Variants in MVB12A observed in about 807,000 individuals in gnomAD.
MVB12A encodes the protein multivesicular body subunit 12A.
MVB12A carries 30 observed loss-of-function variants against 34.3 expected under a neutral mutation model. The ratio of observed to expected loss-of-function variants is 0.88; its 90% CI spans 0.65 to 1.19. The LOEUF is 1.19. Among genes scored for constraint, MVB12A ranks in the 50% most tolerant of loss-of-function variants. The probability of loss-of-function intolerance (pLI) is 0.00; values close to 1 mark genes in which losing one functional copy is unlikely to be tolerated. For synonymous variants in MVB12A, 158 were observed against 158.9 expected, an observed-to-expected ratio of 0.99 and a Z score of 0.04; for missense variants, 355 against 369.2, an observed-to-expected ratio of 0.96 and a Z score of 0.31.
intron 2 of MVB12A, among the ~76,000 whole-genome samples, chr19:17,412,586 C>CGG (rs1489812518): frequency 6.6e-6 from 1 of 152,058 alleles, no homozygotes; most frequent in Non-Finnish European, 1.5e-5. Flanking sequence ...TTTCTTATAG[C>CGG]GGGGGTGTGA....
At chr19:17,405,807 G>A in intron 1 of MVB12A, 2 of 471,158 alleles carry the variant, frequency 4.2e-6, no homozygotes, top group Non-Finnish European at 3.8e-6. Flanking sequence ...AAAAGCCCTT[G>A]GGCCCTTCCC....
chr19:17,423,899 C>T, intron 6 of MVB12A, 100 bp downstream of exon 6: 1 of 1,569,604 alleles, frequency 6.4e-7, no homozygotes, highest in South Asian at 1.1e-5. Flanking sequence ...TCTCCCAACT[C>T]TGGATTCTGT....
exon 2 of MVB12A, chr19:17,406,127 G>A (rs1420929608): frequency 6.6e-6 from 1 of 152,438 alleles, no homozygotes; most frequent in Non-Finnish European, 1.5e-5. Flanking sequence ...TGTCCCCACC[G>A]AGGGGACTAT....
At position 17,424,649 on chromosome 19, in the gene MVB12A, T is replaced by C; in HGVS notation, c.731T>C (p.Ile244Thr). 1 of 1,612,856 alleles carries C rather than the reference T, an allele frequency of 6.2e-7. No homozygotes were observed. The highest frequency in any genetic ancestry group is 8.5e-7 in the Non-Finnish European group (1 of 1,179,438). ...TTCTCTGCTTTTGGGGACCTGACCATCAAGTCTCTGGCGGACATTGAGGAG... is the reference window on the plus strand; with the variant it reads ...TTCTCTGCTTTTGGGGACCTGACCACCAAGTCTCTGGCGGACATTGAGGAG... ...LAFSAFGDLT[I>T]KSLADIEEEY... Residue 244 changes from isoleucine (I) to threonine (T), a missense_variant, in exon 8 of 9, where the codon ATC becomes ACC. Ile to Thr is a moderately conservative substitution (Grantham distance 89). Transcript: ENST00000317040.
intron 3 of MVB12A, 79 bp downstream of exon 3, chr19:17,420,713 G>A (rs1206007230): frequency 1.3e-5 from 13 of 1,020,510 alleles, no homozygotes; most frequent in Non-Finnish European, 1.7e-5. Context: ...CGGGCGCGCG[G>A]TATCTGAGCC....
upstream of MVB12A, chr19:17,417,149 G>T: frequency 4.1e-6 from 1 of 243,748 alleles, no homozygotes; most frequent in Non-Finnish European, 8.4e-6. Context: ...CTTCAGCTTT[G>T]CCGCCTTAGT....
rs144177357 is a variant in MVB12A at position 17,405,903 on chromosome 19, C to T, written c.-225+132C>T. 5.7e-3 allele frequency: 1,404 copies of T among 245,300 alleles called. 15 individuals are homozygous for T. Among genetic ancestry groups the T allele is most frequent in the Admixed American group, 0.025 (481 of 19,324 alleles). 15.2% of individuals were successfully genotyped at this position (245,300 alleles called of 1,614,324 possible). On this transcript the variant is annotated intron_variant, in intron 1 of 6. Transcript: ENST00000528604. ...GCTGTGTGTTACTGAGTGCCTAGGC[C>T]GTGCCAGCCTGTATTCATCTGTACT...
chr19:17,422,028 G>C, intron 3 of MVB12A: 1 of 236,220 alleles, frequency 4.2e-6, no homozygotes, highest in Non-Finnish European at 8.2e-6. Flanking sequence ...GAGGGCTCAT[G>C]GAAAGTAAGT....
intron 3 of MVB12A, chr19:17,421,106 A>G (rs772007934): frequency 2.2e-6 from 1 of 453,150 alleles, no homozygotes; most frequent in African/African-American, 2.1e-5. Context: ...TCCCAGCCCC[A>G]CCTGAACTTT....
chr19:17,423,934 C>T (rs898064828), intron 6 of MVB12A, 72 bp from the exon 7 acceptor site: 27 of 1,573,752 alleles, frequency 1.7e-5, no homozygotes, highest in Admixed American at 1.0e-4. Context: ...CCAGGCTGTG[C>T]GGGTTGGGCC....
Position 17,420,148 on chromosome 19 carries a change from C to A in MVB12A, c.13C>A (p.Pro5Thr). 7.3e-7 allele frequency: 1 copy of A among 1,378,004 alleles called. No homozygotes were observed. The highest frequency in any genetic ancestry group is 9.3e-7 in the Non-Finnish European group (1 of 1,071,364). The allele number at this position is 1,378,004 out of a possible 1,614,324, so 85.4% of individuals were successfully genotyped here. MDPV[P>T]GTDSAPLAGL... is the part of the protein sequence containing the mutation. ...CTCGGCTCGCAGGATGGATCCCGTACCCGGGACAGACTCGGCGCCGCTGGC... is the reference window on the plus strand; with the variant it reads ...CTCGGCTCGCAGGATGGATCCCGTAACCGGGACAGACTCGGCGCCGCTGGC... The change falls in exon 1 of 9, where the codon CCC (proline) becomes ACC (threonine). Residue 5 changes from proline (P) to threonine (T), a missense_variant. By Grantham distance (38) the Pro-to-Thr change is conservative (BLOSUM62 -1). Coordinates refer to ENST00000317040, the MANE Select transcript of MVB12A (RefSeq NM_138401.4).
upstream of MVB12A, chr19:17,418,689 T>G (rs1158429024): frequency 6.6e-6 from 1 of 151,874 alleles, no homozygotes; most frequent in Non-Finnish European, 1.5e-5. Flanking sequence ...TGTGCCCGGC[T>G]TAAAAGCATA....
At chr19:17,412,533 C>A (rs1192377003) in intron 2 of MVB12A, among the ~76,000 whole-genome samples, 3 of 152,200 alleles carry the variant, frequency 2.0e-5, no homozygotes, top group Non-Finnish European at 4.4e-5. Context: ...TCCCAAAGTG[C>A]TGGGATTACA....
At chr19:17,416,408 C>T (rs914301510), upstream of MVB12A, among the ~76,000 whole-genome samples, 1 of 148,366 alleles carries the variant, frequency 6.7e-6, no homozygotes, top group Non-Finnish European at 1.5e-5. Flanking sequence ...CCGTGCCCAG[C>T]CTGCTTTTTT....
At chr19:17,422,648 T>A in intron 4 of MVB12A, 190 bp downstream of exon 4, 1 of 479,786 alleles carries the variant, frequency 2.1e-6, no homozygotes, top group Non-Finnish European at 3.5e-6. Context: ...AGTGACTTGG[T>A]GTCTAAAGTA....
intron 6 of MVB12A, 101 bp downstream of exon 6, chr19:17,423,900 T>C (rs1457520744): frequency 1.5e-5 from 24 of 1,568,076 alleles, no homozygotes; most frequent in Non-Finnish European, 2.1e-5. Context: ...CTCCCAACTC[T>C]GGATTCTGTA....
intron 4 of MVB12A, chr19:17,422,806 C>T (rs189109831): frequency 3.2e-5 from 5 of 155,092 alleles, no homozygotes; most frequent in East Asian, 3.8e-4. Context: ...AAAAATTAGC[C>T]GGGTATGGTG....
At chr19:17,408,090 G>A (rs1181105668) in intron 2 of MVB12A, among the ~76,000 whole-genome samples, 1 of 152,150 alleles carries the variant, frequency 6.6e-6, no homozygotes, top group Non-Finnish European at 1.5e-5. Flanking sequence ...ATACTATTGG[G>A]ATAAAGAGTA....
At chr19:17,419,694 T>C (rs1015209603), upstream of MVB12A, 1 of 153,194 alleles carries the variant, frequency 6.5e-6, no homozygotes, top group African/African-American at 2.4e-5. Flanking sequence ...AGTGCCGGGA[T>C]TACAGGCGTC....
Sources: allele counts gnomAD v4.1 joint callset (sites outside exome capture counted in the v4.1 genomes callset), GRCh38; gene constraint gnomAD v4.1.1; transcripts MANE v1.5; gene names NCBI Gene and HGNC (gene_info 2026-07-23, HGNC 2026-07-21).